The following GRIK4 variants were observed in gnomAD, a reference collection of about 807,000 sequenced individuals.
The protein encoded by GRIK4 is glutamate receptor ionotropic, kainate 4.
Under a neutral mutation model 104.9 loss-of-function variants are expected in GRIK4, and 40 were observed. The ratio of observed to expected loss-of-function variants is 0.38; its 90% CI spans 0.30 to 0.50. The LOEUF is 0.50. Among genes scored for constraint, GRIK4 ranks in the 20% least tolerant of loss-of-function variants. The probability of loss-of-function intolerance (pLI) is 0.93; values close to 1 mark genes in which losing one functional copy is unlikely to be tolerated. For synonymous variants in GRIK4, 485 were observed against 524.9 expected (o/e 0.92, Z 1.04); for missense variants, 1,047 against 1,308.1 (o/e 0.80, Z 3.08).
At chr11:120,821,007 C>A (rs1056109319) in intron 6 of GRIK4, among the ~76,000 whole-genome samples, 2 of 152,096 alleles carry the variant, frequency 1.3e-5, no homozygotes, top group African/African-American at 2.4e-5. Flanking sequence ...GTTAGATCTC[C>A]CCATTTCAAA....
chr11:120,652,580 C>A (rs1383967025), intron 1 of GRIK4, among the ~76,000 whole-genome samples: 2 of 149,930 alleles, frequency 1.3e-5, no homozygotes, highest in Non-Finnish European at 3.0e-5. Flanking sequence ...GTGGGGGAGT[C>A]AGGACAGCAG....
In GRIK4 at chr11:120,779,646, A is replaced by C. The variant is rs1952112706; in HGVS notation, c.83-23047A>C. Among the ~76,000 whole-genome samples the C allele has an allele frequency of 2.6e-5, 4 of 151,264 alleles. No individual in the cohort carries two copies. The South Asian group carries it at 8.3e-4, about 31-fold the overall frequency. ...CTATTTTCTTTATCATCATCTGCAAAGTAATAATAATAATAATAATGCCCA... is the reference window on the plus strand; with the variant it reads ...CTATTTTCTTTATCATCATCTGCAACGTAATAATAATAATAATAATGCCCA... On this transcript the variant is annotated intron_variant, in intron 3 of 20. Transcript: ENST00000527524.
Position 120,764,581 on chromosome 11 carries a change from C to A in GRIK4, c.83-38112C>A, listed in dbSNP as rs887148716. Among the ~76,000 whole-genome samples the A allele has an allele frequency of 4.7e-5, 7 of 147,768 alleles. No individual in the cohort carries two copies. In the East Asian group the frequency reaches 1.4e-3, roughly 29 times the overall value. On this transcript the variant is annotated intron_variant, in intron 3 of 20. Transcript: ENST00000527524. ...TGGTTTGTTTTTGCAGTGGTTGATA[C>A]CAGTTTTTTGTTTTTGTTTTTTTTT...
At chr11:120,660,461 C>A in intron 3 of GRIK4, 61 bp downstream of exon 3, 2 of 1,262,356 alleles carry the variant, frequency 1.6e-6, no homozygotes, top group Non-Finnish European at 2.3e-6. Flanking sequence ...CCACAAGGGA[C>A]ATGAGAGTGC....
intron 13 of GRIK4, among the ~76,000 whole-genome samples, chr11:120,930,151 C>G (rs1191085222): frequency 6.6e-6 from 1 of 152,216 alleles, no homozygotes; most frequent in Non-Finnish European, 1.5e-5. Context: ...ACATGGGGGT[C>G]TGAAGCTAGC....
At chr11:120,921,090 C>T (rs12363923) in intron 13 of GRIK4, among the ~76,000 whole-genome samples, 12,183 of 152,266 alleles carry the variant, frequency 0.08, 610 homozygotes, top group Middle Eastern at 0.15. Context: ...TTTTCTGAGA[C>T]GTGTTCTTTC....
chr11:120,814,315 AGT>A, intron 4 of GRIK4, among the ~76,000 whole-genome samples: 1 of 152,324 alleles, frequency 6.6e-6, no homozygotes, highest in Non-Finnish European at 1.5e-5. Flanking sequence ...AAAGGAGCCC[AGT>A]GGTGGGGTGC....
intron 14 of GRIK4, among the ~76,000 whole-genome samples, chr11:120,947,549 G>A (rs1222483866): frequency 2.6e-5 from 4 of 152,166 alleles, no homozygotes; most frequent in Admixed American, 6.5e-5. Flanking sequence ...AAGTAAACCA[G>A]TGAATCATTT....
intron 11 of GRIK4, among the ~76,000 whole-genome samples, chr11:120,884,571 C>T (rs943416657): frequency 1.3e-5 from 2 of 152,216 alleles, no homozygotes; most frequent in African/African-American, 4.8e-5. Flanking sequence ...TCTCCTTCCT[C>T]CACCCCTGAC....
intron 3 of GRIK4, among the ~76,000 whole-genome samples, chr11:120,754,353 T>A (rs1951616287): frequency 6.6e-6 from 1 of 152,202 alleles, no homozygotes; most frequent in Admixed American, 6.5e-5. Flanking sequence ...ATGTGTGGCC[T>A]TTTGTGTCTG....
intron 3 of GRIK4, among the ~76,000 whole-genome samples, chr11:120,748,478 C>T (rs1020204353): frequency 2.6e-5 from 4 of 152,058 alleles, no homozygotes; most frequent in African/African-American, 7.3e-5. Flanking sequence ...CTACCAGACC[C>T]ACAGTTTCCA....
chr11:120,739,409 C>G (rs753724574), intron 3 of GRIK4, among the ~76,000 whole-genome samples: 5 of 152,166 alleles, frequency 3.3e-5, no homozygotes, highest in Non-Finnish European at 5.9e-5. Context: ...AAGAGACATT[C>G]CCACAGGTCT....
chr11:120,917,697 G>A (rs569645821), intron 13 of GRIK4, among the ~76,000 whole-genome samples: 58 of 152,322 alleles, frequency 3.8e-4, no homozygotes, highest in African/African-American at 1.3e-3. Context: ...TTCCATGGAA[G>A]GAGTTGCCCG....
At chr11:120,610,966 G>A (rs1049730536) in intron 1 of GRIK4, among the ~76,000 whole-genome samples, 1 of 152,176 alleles carries the variant, frequency 6.6e-6, no homozygotes, top group African/African-American at 2.4e-5. Context: ...TGTCAGCGCA[G>A]GAAGAGCCTT....
In GRIK4 at chr11:120,967,196, C is replaced by T; in HGVS notation, c.2268C>T (p.Gly756=). Reference sequence around the variant, plus strand: ...TGGGCTCTCCCGTAACCCCCGCAGGCTCGGTTTTCCGGGACGAGTTTGATC... The same window carrying T: ...TGGGCTCTCCCGTAACCCCCGCAGGTTCGGTTTTCCGGGACGAGTTTGATC... ...TKGYGIGMPV[G]SVFRDEFDLA... The change falls in exon 19 of 21, where the codon GGC becomes GGT. Residue 756 remains glycine, a splice_region_variant and synonymous_variant. Coordinates refer to ENST00000527524, the MANE Select transcript of GRIK4 (RefSeq NM_014619.5). The surrounding 1 kb of genome is among the most constrained non-coding windows in gnomAD (Gnocchi z 4.2). The T allele has an allele frequency of 6.2e-7, 1 of 1,612,730 alleles. No individual in the cohort carries two copies.
intron 1 of GRIK4, among the ~76,000 whole-genome samples, chr11:120,637,635 G>A (rs545248658): frequency 6.6e-6 from 1 of 152,276 alleles, no homozygotes; most frequent in African/African-American, 2.4e-5. Flanking sequence ...TTACTTCTTA[G>A]AGAAGATTCA....
At chr11:120,898,476 C>T (rs1378269209) in intron 11 of GRIK4, 56 bp from the exon 12 acceptor site, 8 of 995,314 alleles carry the variant, frequency 8.0e-6, no homozygotes, top group South Asian at 1.3e-5. Flanking sequence ...CCTCTTGGCT[C>T]CTTCCAGCTC....
intron 1 of GRIK4, among the ~76,000 whole-genome samples, chr11:120,632,818 G>A (rs1033069689): frequency 2.0e-5 from 3 of 152,008 alleles, no homozygotes; most frequent in African/African-American, 7.2e-5. Context: ...TCCACCACTG[G>A]GGAGACTGGA....
chr11:120,724,781 C>T (rs1591837338), intron 3 of GRIK4, among the ~76,000 whole-genome samples: 1 of 152,194 alleles, frequency 6.6e-6, no homozygotes, highest in Non-Finnish European at 1.5e-5. Context: ...ACTGACAAGA[C>T]TATACTTTGT....
Sources: gnomAD v4.1 joint callset for allele counts (sites outside exome capture counted in the v4.1 genomes callset) on GRCh38, gnomAD v4.1.1 for gene constraint, Gnocchi (gnomAD v3.1) non-coding constraint, MANE v1.5 for transcripts, NCBI Gene and HGNC (gene_info 2026-07-23, HGNC 2026-07-21) for gene names.